Variants in RAD17 observed in about 807,000 individuals in gnomAD.
The protein encoded by RAD17 is RAD17 checkpoint clamp loader component.
In RAD17, 31 loss-of-function variants were observed where a neutral mutation model predicts 81.5. The observed-to-expected ratio is 0.38, with a 90% CI of 0.29 to 0.51. The LOEUF (loss-of-function observed/expected upper bound fraction) is 0.51. Among genes scored for constraint, RAD17 ranks in the 20% least tolerant of loss-of-function variants. RAD17 has a pLI of 0.88. For synonymous variants in RAD17, 261 were observed against 266.2 expected (o/e 0.98, Z 0.19); for missense variants, 681 against 781.2 (o/e 0.87, Z 1.53).
chr5:69,407,564 T>G (rs1232322626), intron 17 of RAD17, among the ~76,000 whole-genome samples: 1 of 45,480 alleles, frequency 2.2e-5, no homozygotes, highest in Non-Finnish European at 3.5e-5. Flanking sequence ...ATGTCCAAGT[T>G]TTTTTTTTTT....
In RAD17 at chr5:69,401,112, A is replaced by C. The variant is rs529317661; in HGVS notation, c.1693+943A>C. 6.6e-5 allele frequency among the ~76,000 whole-genome samples: 10 copies of C among 152,310 alleles called. No homozygotes were observed. The East Asian group carries it at 1.9e-3, about 29-fold the overall frequency. ...GTAATCCCAGCCACTCGGGAGGCTG[A>C]GGCAGGAGAACCTTCAACCCCGGAG... On this transcript the variant is annotated intron_variant, in intron 17 of 18. Transcript: ENST00000354868.
chr5:69,377,435 GTGTGTATATA>G (rs1245964011), intron 6 of RAD17, among the ~76,000 whole-genome samples: 8 of 23,066 alleles, frequency 3.5e-4, no homozygotes, highest in African/African-American at 1.1e-3. Context: ...GTGTGTGTGT[GTGTGTATATA>G]TATATATATA....
At position 69,401,844 on chromosome 5, in the gene RAD17, C is replaced by CA. The variant is rs201373703; in HGVS notation, c.1693+1681dup. On this transcript the variant is annotated intron_variant, in intron 17 of 18. Transcript: ENST00000354868. ...CTACTAAAAATACAAAAAAAACCCA[C>CA]AAAAAACAAAAAAACCAGGCCTGGT... Among the ~76,000 whole-genome samples, 461 of 105,378 alleles carry CA rather than the reference C, an allele frequency of 4.4e-3. 3 individuals are homozygous for CA. Among genetic ancestry groups the CA allele is most frequent in the African/African-American group, 0.015 (447 of 29,184 alleles). 69.1% of individuals were successfully genotyped at this position (105,378 alleles called of 152,430 possible). A position where few individuals can be genotyped will look rare whatever the true frequency, so the allele number is the denominator to read the frequency against.
intron 13 of RAD17, 153 bp from the exon 14 acceptor site, chr5:69,393,002 T>A (rs1764639624): frequency 1.9e-6 from 1 of 540,320 alleles, no homozygotes. Flanking sequence ...AATAGGTGCT[T>A]GCTTCCAGTT....
rs34500104 is a variant in RAD17 at position 69,393,908 on chromosome 5, G to GTT, written c.1422+430_1422+431dup. Among the ~76,000 whole-genome samples, 658 of 73,096 alleles carry GTT rather than the reference G, an allele frequency of 9.0e-3. 38 individuals carry two copies. The highest frequency in any genetic ancestry group is 0.035 in the East Asian group (80 of 2,258). 48.0% of individuals were successfully genotyped at this position (73,096 alleles called of 152,430 possible). A position where few individuals can be genotyped will look rare whatever the true frequency, so the allele number is the denominator to read the frequency against. Reference sequence around the variant, plus strand: ...TGATTTTGTGTTTTGTGTTATGGTGGTTTTTTTTTTTTTTTTTTTTTTTGA... The same window carrying GTT: ...TGATTTTGTGTTTTGTGTTATGGTGGTTTTTTTTTTTTTTTTTTTTTTTTTGA... On this transcript the variant is annotated intron_variant, in intron 15 of 18. Coordinates refer to ENST00000354868, the MANE Select transcript of RAD17 (RefSeq NM_133338.3).
chr5:69,388,943 C>T (rs546205065), intron 11 of RAD17, 91 bp from the exon 12 acceptor site: 61 of 641,382 alleles, frequency 9.5e-5, no homozygotes, highest in Middle Eastern at 4.6e-4. Flanking sequence ...ATCTAATTTA[C>T]GTTAATTAAG....
At chr5:69,372,975 G>T (rs1209013933) in intron 4 of RAD17, among the ~76,000 whole-genome samples, 1 of 152,090 alleles carries the variant, frequency 6.6e-6, no homozygotes, top group Non-Finnish European at 1.5e-5. Flanking sequence ...AAAAATATTA[G>T]TTGCTTCATA....
intron 7 of RAD17, among the ~76,000 whole-genome samples, chr5:69,382,847 G>A (rs1039537055): frequency 2.6e-5 from 4 of 151,712 alleles, no homozygotes; most frequent in South Asian, 2.1e-4. Flanking sequence ...TCACTCTGTC[G>A]CCCAGGCTGG....
rs1033936004 is a variant in RAD17, at chr5:69,371,156, A to C, written c.-295A>C. The C allele has an allele frequency of 2.0e-6, 1 of 496,358 alleles. No homozygotes were observed. The highest frequency in any genetic ancestry group is 2.0e-5 in the African/African-American group (1 of 50,300). 30.7% of individuals were successfully genotyped at this position (496,358 alleles called of 1,614,324 possible). ...AAAATTGCTCAAATAGAATTGCCTG[A>C]TTTTAATGACAAAAGGTAAGTACAT... is the stretch of plus-strand genomic sequence containing the variant. On this transcript the variant is annotated 5_prime_UTR_variant, in exon 2 of 19. Coordinates refer to ENST00000354868, the MANE Select transcript of RAD17 (RefSeq NM_133338.3).
intron 18 of RAD17, among the ~76,000 whole-genome samples, chr5:69,411,373 T>C (rs1449412735): frequency 7.9e-5 from 12 of 151,988 alleles, no homozygotes; most frequent in Admixed American, 7.9e-4. Flanking sequence ...ATCACACCAT[T>C]GCACCCCAGC....
chr5:69,369,808 C>T (rs1580338094), upstream of RAD17: 1 of 1,188,788 alleles, frequency 8.4e-7, no homozygotes, highest in Non-Finnish European at 1.2e-6. Context: ...TGGAAGGTCC[C>T]CGGGAGGCCG....
chr5:69,391,899 A>C lies in RAD17; in HGVS notation c.1075A>C (p.Lys359Gln). Residue 359 changes from lysine to glutamine, a missense_variant, in exon 13 of 19, where the codon AAA (lysine) becomes CAA (glutamine). Coordinates refer to ENST00000354868, the MANE Select transcript of RAD17 (RefSeq NM_133338.3). Reference sequence around the variant, plus strand: ...ATCAGATGCTGTGCTGTCAAAATCAAAACGAAGAAAAAAACCTGATAGGGT... The same window carrying C: ...ATCAGATGCTGTGCTGTCAAAATCACAACGAAGAAAAAAACCTGATAGGGT... ...LKSDAVLSKS[K>Q]RRKKPDRVFE... 6.3e-7 allele frequency: 1 copy of C among 1,595,122 alleles called. No individual in the cohort carries two copies. Among genetic ancestry groups the C allele is most frequent in the Non-Finnish European group, 8.5e-7 (1 of 1,174,212 alleles).
chr5:69,381,603 A>C (rs1340061519), intron 6 of RAD17, among the ~76,000 whole-genome samples: 2 of 152,336 alleles, frequency 1.3e-5, no homozygotes, highest in East Asian at 1.9e-4. Context: ...TGAGAGGGAC[A>C]TAATGCAAAA....
chr5:69,413,294 T>C (rs985987924), intron 18 of RAD17, among the ~76,000 whole-genome samples: 1 of 151,830 alleles, frequency 6.6e-6, no homozygotes, highest in Non-Finnish European at 1.5e-5. Flanking sequence ...TACAAATTAG[T>C]TGGGCATGAT....
intron 8 of RAD17, among the ~76,000 whole-genome samples, chr5:69,385,781 A>C (rs1232442712): frequency 6.6e-6 from 1 of 152,174 alleles, no homozygotes; most frequent in Non-Finnish European, 1.5e-5. Flanking sequence ...AGTATAGAAA[A>C]ACAAAAGAAA....
intron 6 of RAD17, among the ~76,000 whole-genome samples, chr5:69,380,769 T>C (rs986240275): frequency 6.6e-6 from 1 of 151,384 alleles, no homozygotes; most frequent in Non-Finnish European, 1.5e-5. Flanking sequence ...TTCTTTTTTT[T>C]CCTTTTTTTT....
intron 3 of RAD17, among the ~76,000 whole-genome samples, chr5:69,371,796 G>C (rs17236184): frequency 6.6e-6 from 1 of 152,074 alleles, no homozygotes; most frequent in African/African-American, 2.4e-5. Flanking sequence ...TTGAATGAAA[G>C]AACATAGAAG....
chr5:69,383,331 C>G (rs1320015792), intron 7 of RAD17, among the ~76,000 whole-genome samples: 2 of 151,712 alleles, frequency 1.3e-5, no homozygotes, highest in South Asian at 2.1e-4. Flanking sequence ...CTACTAGTAT[C>G]CCATCCTGCT....
chr5:69,369,762 T>C, upstream of RAD17: 23 of 1,476,340 alleles, frequency 1.6e-5, no homozygotes, highest in South Asian at 2.7e-4. Flanking sequence ...ACACACTCCT[T>C]CGGTGGTCCC....
Sources: allele counts gnomAD v4.1 joint callset (sites outside exome capture counted in the v4.1 genomes callset), GRCh38; gene constraint gnomAD v4.1.1; transcripts MANE v1.5; gene names NCBI Gene and HGNC (gene_info 2026-07-23, HGNC 2026-07-21).